Variants in AP4S1 observed in about 807,000 individuals in gnomAD.
The protein encoded by AP4S1 is AP-4 complex subunit sigma-1.
AP4S1 carries 23 observed loss-of-function variants against 19.8 expected under a neutral mutation model. The observed-to-expected ratio is 1.16, with a 90% confidence interval of 0.84 to 1.65. The LOEUF (loss-of-function observed/expected upper bound fraction) is 1.65, where lower values mean the gene tolerates loss of function less well. Ranked by LOEUF, AP4S1 falls within the 40% of genes most tolerant of loss-of-function variation. The probability of loss-of-function intolerance (pLI) is 0.00; values close to 1 mark genes in which losing one functional copy is unlikely to be tolerated. For synonymous variants in AP4S1, 46 were observed against 54.1 expected (o/e 0.85, Z 0.66); for missense variants, 166 against 172.8 (o/e 0.96, Z 0.22).
chr14:31,036,035 C>G (rs1358308452), intron 1 of AP4S1, among the ~76,000 whole-genome samples: 1 of 148,822 alleles, frequency 6.7e-6, no homozygotes, highest in Admixed American at 6.7e-5. Context: ...TGGCCAGAGA[C>G]CAGGTTATTT....
chr14:31,058,527 A>ATGTGTGTGTGTGTGTG (rs140119208), intron 1 of AP4S1, among the ~76,000 whole-genome samples: 17 of 136,668 alleles, frequency 1.2e-4, no homozygotes, highest in African/African-American at 2.3e-4. Flanking sequence ...CTGTGTGTGT[A>ATGTGTGTGTGTGTGTG]TGTGTGTGTG....
Position 31,025,760 on chromosome 14 carries a change from G to T in AP4S1, c.-99G>T. 8.7e-7 allele frequency: 1 copy of T among 1,144,208 alleles called. No homozygotes were observed. The highest frequency in any genetic ancestry group is 1.2e-6 in the Non-Finnish European group (1 of 832,432). 70.9% of individuals were successfully genotyped at this position (1,144,208 alleles called of 1,614,324 possible). On this transcript the variant is annotated 5_prime_UTR_variant, in exon 1 of 6. Coordinates refer to ENST00000542754, the MANE Select transcript of AP4S1 (RefSeq NM_001128126.3). ...GGGGGACTCCAGGAAAAGCCGTTGAGAGGACCATCACAACCTGAGCAGCAC... is the reference window on the plus strand; with the variant it reads ...GGGGGACTCCAGGAAAAGCCGTTGATAGGACCATCACAACCTGAGCAGCAC...
chr14:31,035,931 C>T (rs188807543), intron 1 of AP4S1, among the ~76,000 whole-genome samples: 1,550 of 151,954 alleles, frequency 0.01, 16 homozygotes, highest in Middle Eastern at 0.017. Flanking sequence ...GGGGTTTCAC[C>T]ATGTTAGCCA....
intron 1 of AP4S1, among the ~76,000 whole-genome samples, chr14:31,062,865 G>C (rs1463238162): frequency 1.3e-5 from 2 of 152,024 alleles, no homozygotes; most frequent in African/African-American, 4.8e-5. Flanking sequence ...TACTCGGGAG[G>C]CTGAGGTAGG....
intron 1 of AP4S1, among the ~76,000 whole-genome samples, chr14:31,039,572 G>GTTTTTT (rs1398903989): frequency 1.7e-5 from 2 of 115,804 alleles, no homozygotes; most frequent in Non-Finnish European, 3.9e-5. Flanking sequence ...GTGTAGTTTT[G>GTTTTTT]TTTTTTTTTT....
At chr14:31,058,746 C>CT (rs1235039376) in intron 1 of AP4S1, among the ~76,000 whole-genome samples, 242 of 147,178 alleles carry the variant, frequency 1.6e-3, no homozygotes, top group African/African-American at 5.3e-3. Context: ...TTTTTTTTTC[C>CT]TTTTTTTTTA....
At chr14:31,036,712 C>T (rs1466566082) in intron 1 of AP4S1, among the ~76,000 whole-genome samples, 1 of 152,232 alleles carries the variant, frequency 6.6e-6, no homozygotes. Context: ...CCAGTTCCCA[C>T]TGTGATTCTT....
intron 4 of AP4S1, among the ~76,000 whole-genome samples, chr14:31,073,791 G>A (rs1887194833): frequency 6.6e-6 from 1 of 150,432 alleles, no homozygotes. Flanking sequence ...CCACCCGCCC[G>A]CCTCGGCCTC....
At chr14:31,029,172 G>A (rs1884235764) in intron 1 of AP4S1, among the ~76,000 whole-genome samples, 3 of 152,084 alleles carry the variant, frequency 2.0e-5, no homozygotes. Context: ...TATCTTTCCT[G>A]TGGATTCTAT....
At position 31,095,668 on chromosome 14, in the gene AP4S1, C is replaced by T. The variant is rs150833264; in HGVS notation, c.*2633C>T. 2 of 152,364 alleles carry T rather than the reference C, an allele frequency of 1.3e-5. No individual in the cohort carries two copies. The highest frequency in any genetic ancestry group is 2.9e-5 in the Non-Finnish European group (2 of 68,064). The allele number at this position is 152,364 out of a possible 1,614,324, so 9.4% of individuals were successfully genotyped here. A position where few individuals can be genotyped will look rare whatever the true frequency, so the allele number is the denominator to read the frequency against. The stretch of plus-strand genomic sequence containing the variant: ...TCCTGCAGTCACATGATCCATCTGC[C>T]TTCGCCTTCCAAAGTGTTGGGATTA... On this transcript the variant is annotated 3_prime_UTR_variant, in exon 6 of 6. Transcript: ENST00000542754.
At chr14:31,073,453 G>T (rs1352397714) in intron 4 of AP4S1, among the ~76,000 whole-genome samples, 2 of 144,256 alleles carry the variant, frequency 1.4e-5, no homozygotes, top group Non-Finnish European at 3.1e-5. Context: ...TCCCGCCACT[G>T]CACTCCAGCC....
intron 4 of AP4S1, among the ~76,000 whole-genome samples, chr14:31,073,471 C>T (rs1178680521): frequency 2.0e-5 from 3 of 147,614 alleles, no homozygotes; most frequent in Admixed American, 1.4e-4. Context: ...GCCTGGGCAA[C>T]AGAGCGAGAC....
intron 5 of AP4S1, among the ~76,000 whole-genome samples, chr14:31,090,081 G>A (rs542536568): frequency 7.9e-4 from 120 of 152,132 alleles, no homozygotes; most frequent in African/African-American, 2.2e-3. Flanking sequence ...CTCCGCCTCC[G>A]AGGTTCAAGT....
chr14:31,067,677 C>T (rs1404145626), intron 2 of AP4S1, among the ~76,000 whole-genome samples: 2 of 151,832 alleles, frequency 1.3e-5, no homozygotes, highest in Non-Finnish European at 1.5e-5. Flanking sequence ...TGCCACCACA[C>T]CCAGCTTATT....
rs139781453 is a variant in AP4S1 at position 31,026,665 on chromosome 14, G to A, written c.-72+878G>A. 445 of 154,412 alleles carry A rather than the reference G, an allele frequency of 2.9e-3. 5 individuals carry two copies. Among genetic ancestry groups the A allele is most frequent in the African/African-American group, 0.01 (423 of 41,686 alleles). The allele number at this position is 154,412 out of a possible 1,614,324, so 9.6% of individuals were successfully genotyped here. A position where few individuals can be genotyped will look rare whatever the true frequency, so the allele number is the denominator to read the frequency against. On this transcript the variant is annotated intron_variant, in intron 1 of 5. Transcript: ENST00000542754. The stretch of plus-strand genomic sequence containing the variant: ...CTGGCCGCAGCTACCGGACACCTGG[G>A]CTCCGACTCTGACTTTTGGAAGCGA...
chr14:31,056,408 G>A (rs1476911112), intron 1 of AP4S1, among the ~76,000 whole-genome samples: 2 of 151,682 alleles, frequency 1.3e-5, no homozygotes, highest in Non-Finnish European at 2.9e-5. Flanking sequence ...GCCCAGGCTG[G>A]AGTGCAGTGG....
At chr14:31,058,826 A>G (rs1006741082) in intron 1 of AP4S1, among the ~76,000 whole-genome samples, 4 of 149,466 alleles carry the variant, frequency 2.7e-5, no homozygotes, top group African/African-American at 9.9e-5. Context: ...TCCTCCCACC[A>G]TGGCCTCTCA....
intron 5 of AP4S1, among the ~76,000 whole-genome samples, chr14:31,083,184 A>G (rs960782829): frequency 5.3e-5 from 8 of 152,170 alleles, no homozygotes; most frequent in Non-Finnish European, 1.2e-4. Context: ...CTGTGTGATG[A>G]GCTCCAGCAT....
At chr14:31,029,898 G>T (rs1003778779) in intron 1 of AP4S1, among the ~76,000 whole-genome samples, 1 of 149,340 alleles carries the variant, frequency 6.7e-6, no homozygotes, top group African/African-American at 2.5e-5. Flanking sequence ...TGTCCAAGAA[G>T]CCTCCATATC....
Sources: allele counts gnomAD v4.1 joint callset (sites outside exome capture counted in the v4.1 genomes callset), GRCh38; gene constraint gnomAD v4.1.1; transcripts MANE v1.5; gene names NCBI Gene and HGNC (gene_info 2026-07-23, HGNC 2026-07-21).